EDARADD: variants seen among roughly 807,000 people sequenced by gnomAD.
The protein encoded by EDARADD is EDAR associated via death domain.
In EDARADD, 20 loss-of-function variants were observed where a neutral mutation model predicts 25.6. The observed-to-expected ratio is 0.78, with a 90% CI of 0.55 to 1.14. EDARADD has a LOEUF of 1.14. Ranked by LOEUF, EDARADD falls within the 50% of genes most tolerant of loss-of-function variation. EDARADD has a pLI of 0.00. For synonymous variants in EDARADD, 86 were observed against 94.4 expected, an observed-to-expected ratio of 0.91 and a Z score of 0.52; for missense variants, 225 against 270.1, an observed-to-expected ratio of 0.83 and a Z score of 1.17.
chr1:236,473,566 C>T (rs80156264), intron 5 of EDARADD, among the ~76,000 whole-genome samples: 19,076 of 152,110 alleles, frequency 0.13, 1,520 homozygotes, highest in Non-Finnish European at 0.18. Context: ...TTGCTTGAGT[C>T]CAGGAGTTCG....
At chr1:236,472,071 A>G (rs1051278631) in intron 5 of EDARADD, among the ~76,000 whole-genome samples, 2 of 151,962 alleles carry the variant, frequency 1.3e-5, no homozygotes, top group Non-Finnish European at 2.9e-5. Context: ...TGATTCCTGA[A>G]CTCTTCTTTA....
intron 4 of EDARADD, among the ~76,000 whole-genome samples, chr1:236,446,925 C>G (rs567426623): frequency 6.6e-6 from 1 of 152,174 alleles, no homozygotes; most frequent in South Asian, 2.1e-4. Flanking sequence ...TCAGGTTGTC[C>G]CAGGTACTGC....
At chr1:236,432,605 A>G (rs998372587) in intron 4 of EDARADD, among the ~76,000 whole-genome samples, 1 of 151,790 alleles carries the variant, frequency 6.6e-6, no homozygotes, top group African/African-American at 2.4e-5. Context: ...GAAACTGCAG[A>G]CCAACTCGGT....
intron 4 of EDARADD, among the ~76,000 whole-genome samples, chr1:236,445,956 GC>G (rs945313079): frequency 7.9e-5 from 12 of 152,308 alleles, no homozygotes; most frequent in Admixed American, 6.5e-4. Context: ...CACAAAGAAT[GC>G]TTTCAGGATT....
At position 236,444,247 on chromosome 1, in the gene EDARADD, T is replaced by TTTA. The variant is rs969778374; in HGVS notation, c.219+16812_219+16814dup. ...GCTATATTTGTTTTATTAACTATGT[T>TTTA]TTATTATTATTATTATTTTATTTTA... On this transcript the variant is annotated intron_variant, in intron 4 of 5. Transcript: ENST00000334232. Among the ~76,000 whole-genome samples, 6 of 152,168 alleles carry TTTA rather than the reference T, an allele frequency of 3.9e-5. No individual in the cohort carries two copies. The South Asian group carries it at 8.3e-4, about 21-fold the overall frequency.
rs573436606 is a variant in EDARADD, at chr1:236,408,218, T to C, written c.62-998T>C. 5.3e-5 allele frequency among the ~76,000 whole-genome samples: 8 copies of C among 152,284 alleles called. No individual in the cohort carries two copies. In the East Asian group the frequency reaches 1.3e-3, roughly 26 times the overall value. On this transcript the variant is annotated intron_variant, in intron 1 of 5. Transcript: ENST00000334232. ...TATTTTTAATTAATTAATTTATTTT[T>C]TTGAGATGGAGTTTTGCTCTGTCAC...
At position 236,438,362 on chromosome 1, in the gene EDARADD, G is replaced by A. The variant is rs546849699; in HGVS notation, c.219+10912G>A. On this transcript the variant is annotated intron_variant, in intron 4 of 5. Transcript: ENST00000334232. ...AGAACCTTACAATAATAATAACAGC[G>A]CATTTTGAGGGAGAGATGAAGATGA... is the stretch of plus-strand genomic sequence containing the variant. Among the ~76,000 whole-genome samples the A allele has an allele frequency of 2.8e-4, 43 of 152,276 alleles. 1 individual carries two copies. The East Asian group carries it at 7.1e-3, about 25-fold the overall frequency.
intron 4 of EDARADD, among the ~76,000 whole-genome samples, chr1:236,432,343 C>T (rs987955776): frequency 2.7e-5 from 4 of 150,814 alleles, no homozygotes; most frequent in African/African-American, 7.3e-5. Flanking sequence ...GAATGGAAAT[C>T]GTGCCACTGC....
At chr1:236,458,063 G>A (rs1658924744) in intron 4 of EDARADD, among the ~76,000 whole-genome samples, 1 of 152,196 alleles carries the variant, frequency 6.6e-6, no homozygotes, top group Non-Finnish European at 1.5e-5. Flanking sequence ...CATTCGGATG[G>A]TGTGGGTGTC....
At chr1:236,361,650 T>TA (rs1553262114) in intron 3 of EDARADD, among the ~76,000 whole-genome samples, 2 of 149,144 alleles carry the variant, frequency 1.3e-5, no homozygotes, top group African/African-American at 2.5e-5. Context: ...TATATATATA[T>TA]TCCTTCATAC....
chr1:236,464,134 A>C (rs1659115984), intron 4 of EDARADD, among the ~76,000 whole-genome samples: 1 of 152,062 alleles, frequency 6.6e-6, no homozygotes, highest in African/African-American at 2.4e-5. Flanking sequence ...CTCACTGCCC[A>C]CCTGGTATCA....
chr1:236,427,331 G>C (rs940608588), intron 3 of EDARADD, 61 bp from the exon 4 acceptor site: 2 of 1,538,200 alleles, frequency 1.3e-6, no homozygotes, highest in Non-Finnish European at 1.8e-6. Context: ...TTACACCACG[G>C]AGTGTGTGCT....
At chr1:236,449,185 G>A (rs545093768) in intron 4 of EDARADD, among the ~76,000 whole-genome samples, 5 of 152,092 alleles carry the variant, frequency 3.3e-5, no homozygotes, top group Non-Finnish European at 5.9e-5. Context: ...CAAATGTCCC[G>A]ATTTTATAAG....
intron 1 of EDARADD, chr1:236,348,708 C>T (rs147337353): frequency 6.6e-6 from 1 of 152,356 alleles, no homozygotes; most frequent in Non-Finnish European, 1.5e-5. Context: ...AAATCTGGTA[C>T]CTTGCTCGGT....
intron 4 of EDARADD, among the ~76,000 whole-genome samples, chr1:236,462,114 T>C (rs1659054277): frequency 6.6e-6 from 1 of 152,108 alleles, no homozygotes; most frequent in Admixed American, 6.5e-5. Context: ...CAAGAGTGGA[T>C]TGGTTAACAT....
At chr1:236,431,135 T>A (rs1438431965) in intron 4 of EDARADD, among the ~76,000 whole-genome samples, 1 of 145,286 alleles carries the variant, frequency 6.9e-6, no homozygotes, top group African/African-American at 2.5e-5. Flanking sequence ...AATAAATAAA[T>A]AAAATAAAAG....
chr1:236,462,634 T>C (rs1379277489), intron 4 of EDARADD, among the ~76,000 whole-genome samples: 1 of 152,212 alleles, frequency 6.6e-6, no homozygotes, highest in Non-Finnish European at 1.5e-5. Flanking sequence ...CAACTGTTCC[T>C]TAGTACCCAG....
intron 1 of EDARADD, among the ~76,000 whole-genome samples, chr1:236,399,893 C>T (rs545663729): frequency 1.1e-4 from 17 of 152,370 alleles, no homozygotes; most frequent in African/African-American, 4.1e-4. Context: ...GCCACCAACT[C>T]AGGACAGCCC....
intron 4 of EDARADD, among the ~76,000 whole-genome samples, chr1:236,447,714 T>TA (rs199873250): frequency 0.024 from 3,668 of 152,240 alleles, 73 homozygotes; most frequent in Middle Eastern, 0.044. Flanking sequence ...GCCTATTAGT[T>TA]AGTGGCCCAA....
Sources: allele counts gnomAD v4.1 joint callset (sites outside exome capture counted in the v4.1 genomes callset), GRCh38; gene constraint gnomAD v4.1.1; transcripts MANE v1.5; gene names NCBI Gene and HGNC (gene_info 2026-07-23, HGNC 2026-07-21).